Variants in GPC3 observed in about 807,000 individuals in gnomAD.
GPC3 encodes glypican 3, also known as glypican-3.
A neutral mutation model predicts 34.4 loss-of-function variants in GPC3; 3 were observed. The observed-to-expected ratio is 0.09, with a 90% CI of 0.04 to 0.23. The LOEUF is 0.23. Among genes scored for constraint, GPC3 ranks in the 10% least tolerant of loss-of-function variants. The pLI is 1.00. For missense variants in GPC3, 351 were observed against 445.6 expected (o/e 0.79, Z 1.91); for synonymous variants, 177 against 174.0 (o/e 1.02, Z -0.13).
At chrX:133,670,204 A>T (rs767752756) in intron 5 of GPC3, among the ~76,000 whole-genome samples, 2 of 111,598 alleles carry the variant, frequency 1.8e-5, no homozygotes, top group East Asian at 5.7e-4. Flanking sequence ...TCAAATGTAG[A>T]TCATTTGAAA....
chrX:133,941,144 G>C (rs147245653), intron 2 of GPC3, among the ~76,000 whole-genome samples: 1 of 112,304 alleles, frequency 8.9e-6, no homozygotes, highest in African/African-American at 3.2e-5. Flanking sequence ...AAGCACTTTG[G>C]CCTCACTGGC....
intron 7 of GPC3, among the ~76,000 whole-genome samples, chrX:133,563,831 T>A: frequency 8.9e-6 from 1 of 112,285 alleles, no homozygotes; most frequent in Middle Eastern, 4.6e-3. Context: ...AGCTAAGCCC[T>A]ATTTCCCATT....
chrX:133,945,096 A>G (rs1479575430), intron 2 of GPC3, among the ~76,000 whole-genome samples: 1 of 112,152 alleles, frequency 8.9e-6, no homozygotes, highest in Non-Finnish European at 1.9e-5. Context: ...TAGGCAATTA[A>G]TAATTTGAAT....
intron 2 of GPC3, among the ~76,000 whole-genome samples, chrX:133,874,983 G>A (rs1451956799): frequency 8.9e-6 from 1 of 112,364 alleles, no homozygotes; most frequent in South Asian, 3.7e-4. Flanking sequence ...AAGATAATGT[G>A]TCAAGGACAG....
rs768102038 is a variant in GPC3 at position 133,731,283 on chromosome X, T to A, written c.1032+22199A>T. 5.3e-5 allele frequency among the ~76,000 whole-genome samples: 6 copies of A among 112,945 alleles called. No homozygotes were observed. The South Asian group carries it at 2.2e-3, about 41-fold the overall frequency. On this transcript the variant is annotated intron_variant, in intron 3 of 7. Transcript: ENST00000370818. ...GGCTAATCCAAAAAAAATTTCCAGG[T>A]CATATGGCCTTTCTTGGACATGTGT...
chrX:133,544,867 T>C (rs190193326), intron 7 of GPC3, among the ~76,000 whole-genome samples: 1 of 111,112 alleles, frequency 9.0e-6, no homozygotes, highest in East Asian at 2.9e-4. Flanking sequence ...AGTCAAACCA[T>C]ATTCCCAGGA....
At chrX:133,760,004 T>C (rs1276343449) in intron 2 of GPC3, among the ~76,000 whole-genome samples, 2 of 111,297 alleles carry the variant, frequency 1.8e-5, no homozygotes, top group Non-Finnish European at 1.9e-5. Flanking sequence ...CCAAAGAAGA[T>C]ATACAGATGG....
intron 2 of GPC3, among the ~76,000 whole-genome samples, chrX:133,867,376 A>C (rs2075972844): frequency 9.0e-6 from 1 of 110,853 alleles, no homozygotes; most frequent in African/African-American, 3.3e-5. Context: ...AATTGATAAC[A>C]ATTTTCAGAG....
intron 2 of GPC3, among the ~76,000 whole-genome samples, chrX:133,830,258 G>C (rs184330283): frequency 4.4e-4 from 49 of 111,609 alleles, no homozygotes; most frequent in South Asian, 7.7e-4. Context: ...TTTAATAAAG[G>C]CTTGAAGGCA....
At position 133,963,270 on chromosome X, in the gene GPC3, A is replaced by T. The variant is rs779816562; in HGVS notation, c.176-10059T>A. On this transcript the variant is annotated intron_variant, in intron 1 of 7. Transcript: ENST00000370818. ...CTAATGGCAGATATCCTCCTGATGG[A>T]TGGCATGCAGTGGCAAAGGGAAAAA... 8.9e-5 allele frequency among the ~76,000 whole-genome samples: 10 copies of T among 111,792 alleles called. No individual in the cohort carries two copies. In the South Asian group the frequency reaches 3.8e-3, roughly 43 times the overall value.
rs780175199 is a variant in GPC3, at chrX:133,676,364, G to A, written c.1293-14514C>T. On this transcript the variant is annotated intron_variant, in intron 5 of 7. Transcript: ENST00000370818. ...CCTGGTGGAAGTGCATGGCCATGGT[G>A]GGCATGGGCAGAGACACTGGCACAG... Among the ~76,000 whole-genome samples the A allele has an allele frequency of 3.6e-5, 4 of 112,559 alleles. No homozygotes were observed. In the South Asian group the frequency reaches 1.5e-3, roughly 42 times the overall value.
chrX:133,658,372 A>G (rs2070686421), intron 6 of GPC3, among the ~76,000 whole-genome samples: 2 of 112,316 alleles, frequency 1.8e-5, no homozygotes, highest in South Asian at 7.5e-4. Context: ...TCACAGTTTT[A>G]TACCTTATAT....
intron 6 of GPC3, among the ~76,000 whole-genome samples, chrX:133,638,346 T>C (rs1337300017): frequency 8.9e-6 from 1 of 111,905 alleles, no homozygotes; most frequent in Non-Finnish European, 1.9e-5. Flanking sequence ...CTGCCAGTCT[T>C]TTCTCCTCTG....
intron 2 of GPC3, among the ~76,000 whole-genome samples, chrX:133,842,038 C>T (rs1010496194): frequency 8.9e-6 from 1 of 112,267 alleles, no homozygotes; most frequent in East Asian, 2.8e-4. Context: ...AACTCCCTGC[C>T]GGGCATGGTG....
At chrX:133,829,149 T>C (rs756376747) in intron 2 of GPC3, among the ~76,000 whole-genome samples, 86 of 111,712 alleles carry the variant, frequency 7.7e-4, no homozygotes, top group African/African-American at 2.8e-3. Flanking sequence ...AACATACAGA[T>C]ATACCATGAA....
In GPC3 at chrX:133,753,796, T is replaced by C; in HGVS notation, c.718A>G (p.Ile240Val). 1.7e-6 allele frequency: 2 copies of C among 1,211,427 alleles called. No individual in the cohort carries two copies. The highest frequency in any genetic ancestry group is 2.2e-6 in the Non-Finnish European group (2 of 895,202). Reference sequence around the variant, plus strand: ...AACTTCAGGTGATCAGTTGTGTTGATCACTTCAATTCCAAGATTCAGAGCC... The same window carrying C: ...AACTTCAGGTGATCAGTTGTGTTGACCACTTCAATTCCAAGATTCAGAGCC... ...LQALNLGIEV[I>V]NTTDHLKFSK... is the part of the protein sequence containing the mutation. Residue 240 changes from isoleucine to valine, a missense_variant, in exon 3 of 8, where the codon ATC becomes GTC. Transcript: ENST00000370818.
In GPC3 at chrX:133,631,627, C is replaced by T. The variant is rs962890558; in HGVS notation, c.1413+30103G>A. Among the ~76,000 whole-genome samples the T allele has an allele frequency of 2.7e-5, 3 of 111,429 alleles. No homozygotes were observed. In the South Asian group the frequency reaches 1.1e-3, roughly 42 times the overall value. ...TCAATTGTTTTGAATATTAAATACA[C>T]CCAGAAGTGGGATTGCTGGATCATA... On this transcript the variant is annotated intron_variant, in intron 6 of 7. Coordinates refer to ENST00000370818, the MANE Select transcript of GPC3 (RefSeq NM_004484.4).
chrX:133,572,921 T>A (rs1010602424), intron 7 of GPC3, among the ~76,000 whole-genome samples: 3 of 111,884 alleles, frequency 2.7e-5, no homozygotes, highest in Non-Finnish European at 5.6e-5. Flanking sequence ...CCAGCATTAC[T>A]GTGATACCAA....
At chrX:133,862,912 G>GT in intron 2 of GPC3, among the ~76,000 whole-genome samples, 1 of 112,386 alleles carries the variant, frequency 8.9e-6, no homozygotes, top group Non-Finnish European at 1.9e-5. Context: ...CAAACATCAC[G>GT]TAGGGTAGTT....
Sources: allele counts gnomAD v4.1 joint callset (sites outside exome capture counted in the v4.1 genomes callset), GRCh38; gene constraint gnomAD v4.1.1; transcripts MANE v1.5; gene names NCBI Gene and HGNC (gene_info 2026-07-23, HGNC 2026-07-21).